The following GCSAML variants were observed in gnomAD, a reference collection of about 807,000 sequenced individuals.
The protein encoded by GCSAML is germinal center-associated signaling and motility-like protein.
In GCSAML, 9 loss-of-function variants were observed where a neutral mutation model predicts 13.0. The ratio of observed to expected loss-of-function variants is 0.69; its 90% CI spans 0.42 to 1.21. The LOEUF is 1.21. Among genes scored for constraint, GCSAML ranks in the 50% most tolerant of loss-of-function variants. GCSAML has a pLI of 0.00. For synonymous variants in GCSAML, 37 were observed against 52.9 expected, an observed-to-expected ratio of 0.70 and a Z score of 1.31; for missense variants, 143 against 153.4, an observed-to-expected ratio of 0.93 and a Z score of 0.36.
chr1:247,529,869 G>A (rs1018938585), intron 2 of GCSAML: 11 of 152,004 alleles, frequency 7.2e-5, no homozygotes, highest in African/African-American at 2.4e-4. Context: ...CCAAAAAGAG[G>A]GAATTTTGCC....
intron 1 of GCSAML, among the ~76,000 whole-genome samples, chr1:247,509,115 G>A (rs1473616965): frequency 1.3e-5 from 2 of 152,048 alleles, no homozygotes; most frequent in African/African-American, 2.4e-5. Context: ...CCATCTTCAC[G>A]AATTAATTCT....
intron 3 of GCSAML, 41 bp from the exon 4 acceptor site, chr1:247,565,890 G>A: frequency 6.7e-7 from 1 of 1,491,882 alleles, no homozygotes; most frequent in Admixed American, 2.2e-5. Context: ...GTCTCACAGT[G>A]CTTTCCTTTC....
intron 1 of GCSAML, among the ~76,000 whole-genome samples, chr1:247,549,924 C>A (rs975442550): frequency 6.6e-6 from 1 of 152,196 alleles, no homozygotes; most frequent in African/African-American, 2.4e-5. Flanking sequence ...CTCTCCCAGT[C>A]CCCTTCCAGA....
intron 1 of GCSAML, among the ~76,000 whole-genome samples, chr1:247,514,870 T>C (rs184420501): frequency 3.3e-5 from 5 of 152,352 alleles, no homozygotes; most frequent in Non-Finnish European, 1.5e-5. Flanking sequence ...TACTGCCTTA[T>C]AGTATAGTTT....
chr1:247,519,282 T>A (rs2103308665), intron 1 of GCSAML: 1 of 151,952 alleles, frequency 6.6e-6, no homozygotes, highest in East Asian at 1.9e-4. Flanking sequence ...CTTAGTGGGG[T>A]TTTACAGGCA....
At chr1:247,563,695 C>A in intron 3 of GCSAML, 56 bp downstream of exon 3, 2 of 961,114 alleles carry the variant, frequency 2.1e-6, no homozygotes, top group South Asian at 1.4e-5. Flanking sequence ...TTTAAGCATC[C>A]AATTAGCAGA....
intron 2 of GCSAML, among the ~76,000 whole-genome samples, chr1:247,562,862 A>T (rs1329848632): frequency 6.6e-6 from 1 of 151,176 alleles, no homozygotes; most frequent in Non-Finnish European, 1.5e-5. Context: ...TATTTTTGAG[A>T]TGGAGACTCG....
chr1:247,565,086 C>G (rs189903079), intron 3 of GCSAML, among the ~76,000 whole-genome samples: 4 of 152,104 alleles, frequency 2.6e-5, no homozygotes, highest in African/African-American at 9.6e-5. Context: ...ACGGCTGGGC[C>G]CAGTGGCTCA....
intron 2 of GCSAML, among the ~76,000 whole-genome samples, chr1:247,537,342 T>A (rs1240131526): frequency 6.6e-6 from 1 of 152,264 alleles, no homozygotes; most frequent in African/African-American, 2.4e-5. Context: ...ATTCTATGAC[T>A]CTACCACCTT....
At chr1:247,560,943 T>G (rs1273623167) in intron 2 of GCSAML, among the ~76,000 whole-genome samples, 5 of 152,212 alleles carry the variant, frequency 3.3e-5, no homozygotes, top group African/African-American at 1.2e-4. Context: ...TTGTTTAGAT[T>G]TTTTTTATTT....
chr1:247,550,408 C>T (rs146280947), intron 1 of GCSAML, among the ~76,000 whole-genome samples: 3,074 of 152,152 alleles, frequency 0.02, 101 homozygotes, highest in African/African-American at 0.07. Flanking sequence ...GAGGCCGAGG[C>T]GGGTGGATCA....
At chr1:247,535,388 A>G (rs907572707) in intron 2 of GCSAML, among the ~76,000 whole-genome samples, 2 of 152,196 alleles carry the variant, frequency 1.3e-5, no homozygotes, top group African/African-American at 4.8e-5. Flanking sequence ...TCATCATGTG[A>G]ATGTGAGAGA....
rs867477490 is a variant in GCSAML at position 247,571,655 on chromosome 1, G to A, written c.169-2488G>A. 2.0e-4 allele frequency among the ~76,000 whole-genome samples: 31 copies of A among 152,182 alleles called. 1 individual carries two copies. The highest frequency in any genetic ancestry group is 5.8e-4 in the East Asian group (3 of 5,180). ...ACATTTTTTCCTTCATTTCAACGTC[G>A]GTGAATCTGATGATTATGTGTCTTG... On this transcript the variant is annotated intron_variant, in intron 4 of 4. Coordinates refer to ENST00000366488, the MANE Select transcript of GCSAML (RefSeq NM_145278.5).
chr1:247,565,900 CTTTCT>C, intron 3 of GCSAML, 26 bp from the exon 4 acceptor site: 2 of 1,437,204 alleles, frequency 1.4e-6, no homozygotes, highest in Non-Finnish European at 1.9e-6. Context: ...GCTTTCCTTT[CTTTCT>C]TTTTTTTTTT....
intron 2 of GCSAML, among the ~76,000 whole-genome samples, chr1:247,538,189 A>G (rs1423939413): frequency 6.6e-6 from 1 of 152,176 alleles, no homozygotes; most frequent in Non-Finnish European, 1.5e-5. Context: ...GTAGGGTCCA[A>G]CTTCATTCTT....
chr1:247,531,737 T>G (rs1666970701), intron 2 of GCSAML: 2 of 1,614,042 alleles, frequency 1.2e-6, no homozygotes, highest in Non-Finnish European at 1.7e-6. Flanking sequence ...TGGAGATACA[T>G]GAAGATGATG....
intron 1 of GCSAML, among the ~76,000 whole-genome samples, chr1:247,512,222 T>C (rs1666065309): frequency 6.6e-6 from 1 of 152,052 alleles, no homozygotes; most frequent in Admixed American, 6.5e-5. Context: ...TTCTTTTTTC[T>C]ATAATCTTTG....
In GCSAML at chr1:247,512,299, C is replaced by T. The variant is rs549880180; in HGVS notation, c.-263+5066C>T. 3.0e-4 allele frequency among the ~76,000 whole-genome samples: 45 copies of T among 151,788 alleles called. 1 individual carries two copies. The highest frequency in any genetic ancestry group is 8.7e-4 in the African/African-American group (36 of 41,416). On this transcript the variant is annotated intron_variant, in intron 1 of 5. Transcript: ENST00000366489. Reference sequence around the variant, plus strand: ...TACCCTTTCTTCTGCTTGATCAATTCGGCTACTGATACTTGTGTATGCTTC... The same window carrying T: ...TACCCTTTCTTCTGCTTGATCAATTTGGCTACTGATACTTGTGTATGCTTC...
intron 2 of GCSAML, among the ~76,000 whole-genome samples, chr1:247,536,650 C>T (rs1245959709): frequency 6.6e-6 from 1 of 152,096 alleles, no homozygotes; most frequent in African/African-American, 2.4e-5. Context: ...GGGAAAAAAG[C>T]TTTTGGGATT....
Sources: allele counts gnomAD v4.1 joint callset (sites outside exome capture counted in the v4.1 genomes callset), GRCh38; gene constraint gnomAD v4.1.1; transcripts MANE v1.5; gene names NCBI Gene and HGNC (gene_info 2026-07-23, HGNC 2026-07-21).